DLG2: variants seen among roughly 807,000 people sequenced by gnomAD.
DLG2 encodes disks large homolog 2.
DLG2 carries 45 observed loss-of-function variants against 132.5 expected under a neutral mutation model. The ratio of observed to expected loss-of-function variants is 0.34; its 90% CI spans 0.27 to 0.44. The LOEUF is 0.44. Ranked by LOEUF, DLG2 falls within the 20% of genes least tolerant of loss-of-function variation. The pLI, the probability that DLG2 is intolerant of heterozygous loss-of-function variation, is 1.00. For synonymous variants in DLG2, 424 were observed against 419.6 expected (o/e 1.01, Z -0.13); for missense variants, 1,045 against 1,196.9 (o/e 0.87, Z 1.87).
At chr11:83,752,789 T>C (rs2093387837) in intron 18 of DLG2, among the ~76,000 whole-genome samples, 1 of 152,200 alleles carries the variant, frequency 6.6e-6, no homozygotes, top group African/African-American at 2.4e-5. Flanking sequence ...TAATGTCACC[T>C]GGAATATGAG....
chr11:83,972,433 C>A (rs2091502099), intron 12 of DLG2, among the ~76,000 whole-genome samples: 1 of 152,098 alleles, frequency 6.6e-6, no homozygotes, highest in African/African-American at 2.4e-5. Context: ...AATCAGACAT[C>A]ATGCTTTGTT....
At chr11:83,810,268 C>T (rs1445324014) in intron 17 of DLG2, among the ~76,000 whole-genome samples, 3 of 152,130 alleles carry the variant, frequency 2.0e-5, no homozygotes, top group African/African-American at 7.2e-5. Flanking sequence ...AAGTTCCTGG[C>T]TAATGTTGAT....
chr11:84,046,059 A>G (rs540683159), intron 11 of DLG2, among the ~76,000 whole-genome samples: 4 of 151,634 alleles, frequency 2.6e-5, no homozygotes, highest in Admixed American at 6.6e-5. Context: ...AGAGTATTAA[A>G]GCATAAATTG....
At chr11:83,628,034 A>G (rs1275004488) in intron 19 of DLG2, among the ~76,000 whole-genome samples, 2 of 152,098 alleles carry the variant, frequency 1.3e-5, no homozygotes. Context: ...GTCTGTTCAT[A>G]TCCTTCGCCC....
intron 19 of DLG2, among the ~76,000 whole-genome samples, chr11:83,604,431 C>A (rs759613828): frequency 7.2e-5 from 11 of 152,136 alleles, no homozygotes; most frequent in Non-Finnish European, 1.3e-4. Context: ...GTCAACTCAT[C>A]TTTGGGTTTT....
chr11:85,531,891 T>C (rs1364367718), intron 3 of DLG2, among the ~76,000 whole-genome samples: 3 of 152,208 alleles, frequency 2.0e-5, no homozygotes, highest in Non-Finnish European at 4.4e-5. Context: ...CCCTATTTTA[T>C]TGACAAATAA....
chr11:84,679,354 T>G (rs552765443), intron 6 of DLG2, among the ~76,000 whole-genome samples: 1 of 152,220 alleles, frequency 6.6e-6, no homozygotes, highest in Non-Finnish European at 1.5e-5. Context: ...TGTTTGCAAA[T>G]GATGACAGAT....
At chr11:85,222,417 C>A (rs188183671) in intron 4 of DLG2, among the ~76,000 whole-genome samples, 1 of 152,022 alleles carries the variant, frequency 6.6e-6, no homozygotes. Context: ...GAAAAAACAC[C>A]CACTCTTCTG....
chr11:84,448,547 T>G (rs1178496063), intron 7 of DLG2, among the ~76,000 whole-genome samples: 1 of 152,086 alleles, frequency 6.6e-6, no homozygotes, highest in Non-Finnish European at 1.5e-5. Context: ...TTCTGCTGTC[T>G]GCAGCCCTAT....
At chr11:83,524,937 T>C (rs868838344) in intron 21 of DLG2, among the ~76,000 whole-genome samples, 1 of 152,226 alleles carries the variant, frequency 6.6e-6, no homozygotes, top group Admixed American at 6.5e-5. Flanking sequence ...TTTTCAGTTA[T>C]AAATTATAAT....
chr11:85,273,566 CA>C (rs1461422458), intron 4 of DLG2, among the ~76,000 whole-genome samples: 1 of 152,180 alleles, frequency 6.6e-6, no homozygotes, highest in Non-Finnish European at 1.5e-5. Flanking sequence ...TACCATCTCA[CA>C]CCAGTTAGAT....
At chr11:83,778,637 G>C (rs577000168) in intron 18 of DLG2, among the ~76,000 whole-genome samples, 1 of 152,238 alleles carries the variant, frequency 6.6e-6, no homozygotes, top group South Asian at 2.1e-4. Flanking sequence ...CCATTCCCAG[G>C]ATAGATAATG....
chr11:85,542,574 T>A (rs1247476297), intron 3 of DLG2, among the ~76,000 whole-genome samples: 1 of 152,202 alleles, frequency 6.6e-6, no homozygotes, highest in Non-Finnish European at 1.5e-5. Flanking sequence ...GCATAATATA[T>A]GACAACATGA....
At chr11:84,656,585 T>C (rs889865570) in intron 6 of DLG2, among the ~76,000 whole-genome samples, 7 of 152,080 alleles carry the variant, frequency 4.6e-5, no homozygotes, top group Non-Finnish European at 1.0e-4. Context: ...TCATGAAAAG[T>C]CTCTTGACTC....
rs538113652 is a variant in DLG2, at chr11:85,504,863, T to C, written c.40+93794A>G. Among the ~76,000 whole-genome samples, 4 of 152,348 alleles carry C rather than the reference T, an allele frequency of 2.6e-5. No homozygotes were observed. The East Asian group carries it at 7.7e-4, about 29-fold the overall frequency. ...TCCATGAGCATGGAATGTTCTTCCATTTGTTTCATCCTCTTTTATTTCATT... is the reference window on the plus strand; with the variant it reads ...TCCATGAGCATGGAATGTTCTTCCACTTGTTTCATCCTCTTTTATTTCATT... On this transcript the variant is annotated intron_variant, in intron 3 of 27. Coordinates refer to ENST00000376104, the MANE Select transcript of DLG2 (RefSeq NM_001142699.3).
intron 6 of DLG2, among the ~76,000 whole-genome samples, chr11:84,595,672 T>C (rs1479822828): frequency 6.6e-6 from 1 of 152,158 alleles, no homozygotes; most frequent in African/African-American, 2.4e-5. Flanking sequence ...TACTGTTTCA[T>C]TTCTTCCGGA....
chr11:84,885,775 A>C (rs1431154691), intron 6 of DLG2, among the ~76,000 whole-genome samples: 1 of 152,134 alleles, frequency 6.6e-6, no homozygotes, highest in African/African-American at 2.4e-5. Flanking sequence ...TGACCCTTTT[A>C]GGATACAACG....
intron 6 of DLG2, among the ~76,000 whole-genome samples, chr11:84,745,353 GT>G (rs1260291994): frequency 6.6e-6 from 1 of 152,084 alleles, no homozygotes; most frequent in African/African-American, 2.4e-5. Context: ...AGGAAATCTT[GT>G]TTAAAAGTGT....
At chr11:85,003,364 T>C (rs1212474858) in intron 6 of DLG2, among the ~76,000 whole-genome samples, 1 of 152,120 alleles carries the variant, frequency 6.6e-6, no homozygotes, top group African/African-American at 2.4e-5. Context: ...CACATGGAAA[T>C]TGCAAGAAGG....
Sources: gnomAD v4.1 joint callset for allele counts (sites outside exome capture counted in the v4.1 genomes callset) on GRCh38, gnomAD v4.1.1 for gene constraint, MANE v1.5 for transcripts, NCBI Gene and HGNC (gene_info 2026-07-23, HGNC 2026-07-21) for gene names.